The following MAGI1 variants were observed in gnomAD, a reference collection of about 807,000 sequenced individuals.
MAGI1 encodes the protein membrane-associated guanylate kinase, WW and PDZ domain-containing protein 1.
Under a neutral mutation model 139.9 loss-of-function variants are expected in MAGI1, and 58 were observed. That is an observed-to-expected ratio of 0.41 (90% confidence interval 0.34 to 0.52). MAGI1 has a LOEUF of 0.52. Ranked by LOEUF, MAGI1 falls within the 20% of genes least tolerant of loss-of-function variation. The probability of loss-of-function intolerance (pLI) is 0.12; values close to 1 mark genes in which losing one functional copy is unlikely to be tolerated. For missense variants in MAGI1, 1,874 were observed against 1,901.6 expected, an observed-to-expected ratio of 0.99 and a Z score of 0.27; for synonymous variants, 812 against 737.9, an observed-to-expected ratio of 1.10 and a Z score of -1.63.
intron 1 of MAGI1, among the ~76,000 whole-genome samples, chr3:65,790,753 G>A (rs1293716650): frequency 2.6e-5 from 4 of 152,152 alleles, no homozygotes; most frequent in Non-Finnish European, 5.9e-5. Flanking sequence ...GTGCTTTTCG[G>A]TTCTATAGTT....
At chr3:65,419,246 A>AC (rs1559538680) in intron 12 of MAGI1, among the ~76,000 whole-genome samples, 8 of 150,068 alleles carry the variant, frequency 5.3e-5, no homozygotes, top group East Asian at 3.9e-4. Context: ...ACACACACAC[A>AC]AGTGTATGAA....
At chr3:65,463,567 T>TGTGC (rs1362533253) in intron 5 of MAGI1, among the ~76,000 whole-genome samples, 2 of 58,326 alleles carry the variant, frequency 3.4e-5, no homozygotes, top group Admixed American at 3.0e-4. Context: ...AATGTGTGTG[T>TGTGC]GTGTGTGTGT....
chr3:65,561,828 C>T (rs1406583343), intron 2 of MAGI1, among the ~76,000 whole-genome samples: 1 of 152,146 alleles, frequency 6.6e-6, no homozygotes, highest in Non-Finnish European at 1.5e-5. Context: ...CGCAACTCAA[C>T]TCTAACAAAC....
chr3:65,801,740 A>T lies in MAGI1; in HGVS notation c.314-179652T>A, dbSNP rs116498180. Among the ~76,000 whole-genome samples the T allele has an allele frequency of 7.5e-3, 1,142 of 152,322 alleles. 7 individuals are homozygous for T. Among genetic ancestry groups the T allele is most frequent in the Middle Eastern group, 0.051 (15 of 294 alleles). Reference sequence around the variant, plus strand: ...ATTATATTTTAAATATCTGTTGGGTAAGAAAATGCATAGAAACAAAAACTT... The same window carrying T: ...ATTATATTTTAAATATCTGTTGGGTTAGAAAATGCATAGAAACAAAAACTT... On this transcript the variant is annotated intron_variant, in intron 1 of 22. Transcript: ENST00000402939.
intron 1 of MAGI1, among the ~76,000 whole-genome samples, chr3:65,747,239 T>C (rs2035785827): frequency 6.6e-6 from 1 of 152,214 alleles, no homozygotes; most frequent in Non-Finnish European, 1.5e-5. Context: ...CTTAACACTT[T>C]TTCAGGAGAT....
chr3:65,693,719 T>TTTG (rs1325472571), intron 1 of MAGI1, among the ~76,000 whole-genome samples: 1 of 151,814 alleles, frequency 6.6e-6, no homozygotes, highest in Non-Finnish European at 1.5e-5. Context: ...GTTTTTGTTT[T>TTTG]TTGTTGTTGT....
At chr3:65,610,967 T>C (rs1308711709) in intron 2 of MAGI1, among the ~76,000 whole-genome samples, 6 of 138,246 alleles carry the variant, frequency 4.3e-5, no homozygotes, top group African/African-American at 1.6e-4. Context: ...ATATAGTATA[T>C]AGACACTATA....
chr3:65,745,901 T>C (rs927565505), intron 1 of MAGI1, among the ~76,000 whole-genome samples: 2 of 152,180 alleles, frequency 1.3e-5, no homozygotes, highest in African/African-American at 4.8e-5. Context: ...GCTAATTTTT[T>C]GTATTTTTTA....
At chr3:65,458,595 C>A (rs1949557681) in intron 5 of MAGI1, among the ~76,000 whole-genome samples, 1 of 152,122 alleles carries the variant, frequency 6.6e-6, no homozygotes, top group African/African-American at 2.4e-5. Context: ...ATCTGTCTGC[C>A]ATCTGGAGTC....
intron 1 of MAGI1, among the ~76,000 whole-genome samples, chr3:65,747,497 G>A (rs1307343693): frequency 7.0e-6 from 1 of 143,646 alleles, no homozygotes; most frequent in Non-Finnish European, 1.5e-5. Context: ...ATACATAATA[G>A]GGATATTATT....
At chr3:65,924,203 T>A (rs1276771256) in intron 1 of MAGI1, among the ~76,000 whole-genome samples, 1 of 152,230 alleles carries the variant, frequency 6.6e-6, no homozygotes, top group Non-Finnish European at 1.5e-5. Context: ...AAGATTTAAA[T>A]GATTTATTAA....
chr3:65,771,025 G>C (rs892715616), intron 1 of MAGI1, among the ~76,000 whole-genome samples: 2 of 151,936 alleles, frequency 1.3e-5, no homozygotes, highest in Non-Finnish European at 2.9e-5. Context: ...TACTGGGCAG[G>C]GTGTGGTATT....
At chr3:65,438,373 G>A (rs764048082) in intron 9 of MAGI1, among the ~76,000 whole-genome samples, 6 of 152,140 alleles carry the variant, frequency 3.9e-5, no homozygotes, top group South Asian at 2.1e-4. Flanking sequence ...ATGGCAACTC[G>A]GAAGGGTTGG....
At chr3:65,383,713 G>C in intron 14 of MAGI1, 90 bp from the exon 15 acceptor site, 1 of 821,854 alleles carries the variant, frequency 1.2e-6, no homozygotes, top group Non-Finnish European at 2.1e-6. Context: ...GACAAGAATG[G>C]TGGTGCTTGA....
At chr3:65,527,111 A>G (rs2078421973) in intron 2 of MAGI1, among the ~76,000 whole-genome samples, 1 of 152,174 alleles carries the variant, frequency 6.6e-6, no homozygotes, top group Non-Finnish European at 1.5e-5. Context: ...AACCTAAATC[A>G]CTGCTTTTAG....
At chr3:65,508,596 T>G (rs921939958) in intron 2 of MAGI1, among the ~76,000 whole-genome samples, 2 of 152,180 alleles carry the variant, frequency 1.3e-5, no homozygotes, top group Non-Finnish European at 2.9e-5. Flanking sequence ...CACATTACTT[T>G]AAGCCTATAG....
At chr3:65,818,218 A>T (rs1227247820) in intron 1 of MAGI1, among the ~76,000 whole-genome samples, 6 of 152,118 alleles carry the variant, frequency 3.9e-5, no homozygotes, top group African/African-American at 1.4e-4. Flanking sequence ...TATCACATAC[A>T]TTTTTCTACC....
rs910044428 is a variant in MAGI1, at chr3:65,361,071, A to G, written c.3634+128T>C. On this transcript the variant is annotated intron_variant, in intron 22 of 22. Transcript: ENST00000402939. ...CAGAACAAGCGAGGCAAATAATCAC[A>G]TGGTGCGAGAGGCTGGTAAGACACT... 39 of 1,568,544 alleles carry G rather than the reference A, an allele frequency of 2.5e-5. No homozygotes were observed. The Middle Eastern group carries it at 5.1e-4, about 21-fold the overall frequency.
At chr3:65,830,981 T>G (rs566473193) in intron 1 of MAGI1, among the ~76,000 whole-genome samples, 1 of 152,052 alleles carries the variant, frequency 6.6e-6, no homozygotes, top group African/African-American at 2.4e-5. Context: ...CTGCCAGTAA[T>G]CAGCTATATG....
Sources: allele counts gnomAD v4.1 joint callset (sites outside exome capture counted in the v4.1 genomes callset), GRCh38; gene constraint gnomAD v4.1.1; transcripts MANE v1.5; gene names NCBI Gene and HGNC (gene_info 2026-07-23, HGNC 2026-07-21).